CCDC33: variants seen among roughly 807,000 people sequenced by gnomAD.
The protein encoded by CCDC33 is coiled-coil domain-containing protein 33.
In CCDC33, 94 loss-of-function variants were observed where a neutral mutation model predicts 91.9. That is an observed-to-expected ratio of 1.02 (90% CI 0.87 to 1.21). The LOEUF is 1.21. CCDC33 is among the 50% of genes most tolerant of loss of function. The pLI, the probability that CCDC33 is intolerant of heterozygous loss-of-function variation, is 0.00. For synonymous variants in CCDC33, 396 were observed against 374.5 expected (o/e 1.06, Z -0.66); for missense variants, 940 against 935.5 (o/e 1.00, Z -0.06).
At chr15:74,332,120 A>T (rs1001176294) in intron 15 of CCDC33, among the ~76,000 whole-genome samples, 2 of 152,242 alleles carry the variant, frequency 1.3e-5, no homozygotes, top group Non-Finnish European at 2.9e-5. Context: ...GCCTCTGATA[A>T]GCAGAAAGGA....
rs770620178 is a variant in CCDC33, at chr15:74,268,487, T to G, written c.546+29T>G. 3,407 of 1,230,266 alleles carry G rather than the reference T, an allele frequency of 2.8e-3. 1 individual carries two copies. The highest frequency in any genetic ancestry group is 0.016 in the South Asian group (1,229 of 75,696). 76.2% of individuals were successfully genotyped at this position (1,230,266 alleles called of 1,614,324 possible). On this transcript the variant is annotated intron_variant, in intron 5 of 18. Transcript: ENST00000398814. ...CCAGGGCTGGGGCCCTCTGGGGTGG[T>G]GGTGGGGGTGGGAAAGGGCCAAGCT...
downstream of CCDC33, chr15:74,336,364 G>C: frequency 7.5e-7 from 1 of 1,340,314 alleles, no homozygotes; most frequent in Non-Finnish European, 9.8e-7. Flanking sequence ...TTCCAGACCC[G>C]GAGAAGAAGC....
intron 3 of CCDC33, 151 bp from the exon 4 acceptor site, chr15:74,266,527 G>A (rs1280491971): frequency 2.0e-5 from 13 of 652,032 alleles, no homozygotes; most frequent in Non-Finnish European, 3.1e-5. Flanking sequence ...GTGCACAGGG[G>A]TGATCCACAC....
intron 7 of CCDC33, among the ~76,000 whole-genome samples, chr15:74,277,997 C>T (rs2076493073): frequency 6.6e-6 from 1 of 152,192 alleles, no homozygotes; most frequent in African/African-American, 2.4e-5. Context: ...AATGGGGTGA[C>T]TCTGGGAGGG....
At chr15:74,208,072 C>T in intron 1 of CCDC33, 1 of 1,249,582 alleles carries the variant, frequency 8.0e-7, no homozygotes. Context: ...TTAGACCAGG[C>T]TGTTCTGGTA....
intron 17 of CCDC33, among the ~76,000 whole-genome samples, chr15:74,334,585 C>T (rs563976050): frequency 2.1e-5 from 3 of 144,852 alleles, no homozygotes; most frequent in Non-Finnish European, 4.5e-5. Context: ...GTCAGGGTTC[C>T]GTGTACAACG....
At chr15:74,334,593 A>G (rs1674678342) in intron 17 of CCDC33, among the ~76,000 whole-genome samples, 1 of 144,048 alleles carries the variant, frequency 6.9e-6, no homozygotes, top group South Asian at 2.2e-4. Flanking sequence ...TCCGTGTACA[A>G]CGAGGTTAGG....
chr15:74,282,007 C>G (rs1046117168), intron 10 of CCDC33, among the ~76,000 whole-genome samples, 158 bp downstream of exon 10: 2 of 152,112 alleles, frequency 1.3e-5, no homozygotes, highest in Non-Finnish European at 2.9e-5. Context: ...TCCAGACAAA[C>G]GTAGAGAGAG....
In CCDC33 at chr15:74,203,648, C is replaced by G. The variant is rs577326156; in HGVS notation, n.89+550C>G. Among the ~76,000 whole-genome samples, 20 of 152,328 alleles carry G rather than the reference C, an allele frequency of 1.3e-4. No individual in the cohort carries two copies. The South Asian group carries it at 4.1e-3, about 32-fold the overall frequency. The stretch of plus-strand genomic sequence containing the variant: ...TTAACTTAAATTTATTGAACACACA[C>G]TATGTGCCAGCACTGTTCTGAGCCC... On this transcript the variant is annotated intron_variant and non_coding_transcript_variant, in intron 1 of 3. Transcript: ENST00000558645.
chr15:74,280,443 G>GTAGA (rs953629658), intron 8 of CCDC33, among the ~76,000 whole-genome samples: 9 of 152,348 alleles, frequency 5.9e-5, no homozygotes, highest in African/African-American at 2.2e-4. Context: ...CCCCCAAAGG[G>GTAGA]TAGAGATGAG....
intron 11 of CCDC33, among the ~76,000 whole-genome samples, chr15:74,322,838 C>T (rs1285434539): frequency 6.6e-6 from 1 of 152,166 alleles, no homozygotes; most frequent in Non-Finnish European, 1.5e-5. Flanking sequence ...ATCCGGGGAA[C>T]CCTGAGATTG....
At chr15:74,319,862 G>A (rs190243330) in intron 11 of CCDC33, among the ~76,000 whole-genome samples, 513 of 152,250 alleles carry the variant, frequency 3.4e-3, no homozygotes, top group Non-Finnish European at 5.8e-3. Flanking sequence ...ACCCCTCCAA[G>A]CTTCACCAAG....
intron 1 of CCDC33, among the ~76,000 whole-genome samples, chr15:74,243,553 G>A (rs876703): frequency 0.28 from 42,095 of 152,026 alleles, 6,287 homozygotes; most frequent in East Asian, 0.54. Context: ...GGGCCAAGGC[G>A]ACTGCCTTGC....
At chr15:74,327,624 G>A (rs2060335837) in intron 11 of CCDC33, among the ~76,000 whole-genome samples, 1 of 152,112 alleles carries the variant, frequency 6.6e-6, no homozygotes, top group South Asian at 2.1e-4. Flanking sequence ...GATGGAGTGA[G>A]ACTCCGTCAC....
rs910048526 is a variant in CCDC33 at position 74,238,277 on chromosome 15, G to A, written c.21+1537G>A. Reference sequence around the variant, plus strand: ...ACAAAAATTAACCAGGCGTGGTAGCGGGCACCTGTAATCCCAGCTACTCGG... The same window carrying A: ...ACAAAAATTAACCAGGCGTGGTAGCAGGCACCTGTAATCCCAGCTACTCGG... On this transcript the variant is annotated intron_variant, in intron 1 of 18. Coordinates refer to ENST00000398814, the MANE Select transcript of CCDC33 (RefSeq NM_025055.5). 2.6e-5 allele frequency among the ~76,000 whole-genome samples: 4 copies of A among 151,934 alleles called. No individual in the cohort carries two copies. The South Asian group carries it at 6.2e-4, about 24-fold the overall frequency.
chr15:74,315,985 C>T (rs1483309590), intron 11 of CCDC33, among the ~76,000 whole-genome samples: 4 of 152,176 alleles, frequency 2.6e-5, no homozygotes, highest in African/African-American at 9.7e-5. Context: ...AGGCACCTGC[C>T]CTGTTTCCTG....
Position 74,330,972 on chromosome 15 carries a change from A to G in CCDC33, c.1546-9A>G. 1.3e-6 allele frequency: 2 copies of G among 1,576,648 alleles called. No individual in the cohort carries two copies. The highest frequency in any genetic ancestry group is 2.4e-5 in the South Asian group (2 of 84,238). On this transcript the variant is annotated splice_polypyrimidine_tract_variant and intron_variant, in intron 13 of 18. Transcript: ENST00000398814. ...ATTCTCTCCCCTTCTCTCCTCCCCC[A>G]TCTCACAGAAGAATGATCGAGAGAA...
At chr15:74,254,326 C>T (rs150374506) in intron 2 of CCDC33, among the ~76,000 whole-genome samples, 72 of 152,296 alleles carry the variant, frequency 4.7e-4, no homozygotes, top group Middle Eastern at 3.4e-3. Context: ...CCACTGCGCC[C>T]GGACGCCTCT....
At chr15:74,247,969 T>C (rs1382511201) in intron 2 of CCDC33, among the ~76,000 whole-genome samples, 1 of 151,930 alleles carries the variant, frequency 6.6e-6, no homozygotes, top group East Asian at 1.9e-4. Flanking sequence ...CCCAGCTACT[T>C]GGGAGGCTGA....
Sources: allele counts gnomAD v4.1 joint callset (sites outside exome capture counted in the v4.1 genomes callset), GRCh38; gene constraint gnomAD v4.1.1; transcripts MANE v1.5; gene names NCBI Gene and HGNC (gene_info 2026-07-23, HGNC 2026-07-21).